The following RNF123 variants were observed in gnomAD, a reference collection of about 807,000 sequenced individuals.
RNF123 encodes ring finger protein 123, also known as E3 ubiquitin-protein ligase RNF123.
Under a neutral mutation model 168.5 loss-of-function variants are expected in RNF123, and 86 were observed. The ratio of observed to expected loss-of-function variants is 0.51; its 90% confidence interval spans 0.43 to 0.61. The LOEUF (loss-of-function observed/expected upper bound fraction) is 0.61, where lower values mean the gene tolerates loss of function less well. Among genes scored for constraint, RNF123 ranks in the 20% least tolerant of loss-of-function variants. The pLI is 0.00. For missense variants in RNF123, 1,419 were observed against 1,729.7 expected (o/e 0.82, Z 3.19); for synonymous variants, 666 against 689.1 (o/e 0.97, Z 0.52).
At position 49,720,886 on chromosome 3, in the gene RNF123, G is replaced by C; in HGVS notation, c.3730G>C (p.Ala1244Pro). 1.2e-6 allele frequency: 2 copies of C among 1,614,142 alleles called. No homozygotes were observed. Among genetic ancestry groups the C allele is most frequent in the Non-Finnish European group, 1.7e-6 (2 of 1,180,014 alleles). Residue 1244 changes from alanine (A) to proline (P), a missense_variant, in exon 37 of 39, where the codon GCC (alanine) becomes CCC (proline). Physicochemically the swap from Ala to Pro is conservative, Grantham distance 27. This residue lies in a region of RNF123 where 164 missense variants were observed against 152.3 expected (regional missense o/e 1.08). Coordinates refer to ENST00000327697, the MANE Select transcript of RNF123 (RefSeq NM_022064.5). ...CTCTGCATCTGCCCAGGCAGCAGCT[G>C]CCTCCCTGGTGAGTGGGAACACGGT... Reference protein sequence around the residue: ...LTSASAQAAAASLPTSEEDLC... With the variant: ...LTSASAQAAAPSLPTSEEDLC...
intron 26 of RNF123, among the ~76,000 whole-genome samples, chr3:49,710,571 C>T (rs917396971): frequency 5.9e-5 from 9 of 152,210 alleles, no homozygotes; most frequent in African/African-American, 1.4e-4. Flanking sequence ...TCAGCAACCG[C>T]GCCTGGCCAT....
At chr3:49,712,215 CA>C (rs113391621) in intron 26 of RNF123, among the ~76,000 whole-genome samples, 47 of 142,912 alleles carry the variant, frequency 3.3e-4, no homozygotes, top group Admixed American at 6.3e-4. Context: ...GACTCCATCT[CA>C]AAAAAAAAAA....
At chr3:49,708,889 T>A (rs913055770) in intron 26 of RNF123, among the ~76,000 whole-genome samples, 10 of 152,246 alleles carry the variant, frequency 6.6e-5, no homozygotes, top group Non-Finnish European at 1.5e-4. Flanking sequence ...GACCCTAATT[T>A]CAATTCTTTT....
At chr3:49,700,585 C>G in intron 14 of RNF123, 21 bp downstream of exon 14, 3 of 1,614,178 alleles carry the variant, frequency 1.9e-6, no homozygotes, top group Non-Finnish European at 2.5e-6. Flanking sequence ...CTACCCCTGC[C>G]CTGAGCCCCC....
At position 49,699,052 on chromosome 3, in the gene RNF123, C is replaced by T. The variant is rs1273102813; in HGVS notation, c.711C>T (p.Ile237=). 6.2e-7 allele frequency: 1 copy of T among 1,613,854 alleles called. No homozygotes were observed. Among genetic ancestry groups the T allele is most frequent in the African/African-American group, 1.3e-5 (1 of 74,942 alleles). Residue 237 remains isoleucine (I), a synonymous_variant, in exon 10 of 39, where the codon ATC becomes ATT. Coordinates refer to ENST00000327697, the MANE Select transcript of RNF123 (RefSeq NM_022064.5). This position sits in a 1 kb window ranked among gnomAD's most constrained non-coding sequence, Gnocchi z 4.8. ...TGGGTATGGCCTACTTCCCAGCCATCAGCCTCTCTTTCAAGGAGTCCGTGG... is the reference window on the plus strand; with the variant it reads ...TGGGTATGGCCTACTTCCCAGCCATTAGCCTCTCTTTCAAGGAGTCCGTGG... ...RGLGMAYFPA[I]SLSFKESVAF...
At chr3:49,708,700 T>C (rs1370094726) in intron 26 of RNF123, among the ~76,000 whole-genome samples, 1 of 152,240 alleles carries the variant, frequency 6.6e-6, no homozygotes. Context: ...GTCCTCAAGG[T>C]TCATTCGTGT....
intron 1 of RNF123, 89 bp from the exon 2 acceptor site, chr3:49,691,041 C>T (rs2054150137): frequency 6.7e-6 from 5 of 749,374 alleles, no homozygotes; most frequent in Non-Finnish European, 1.1e-5. Context: ...GCCTCACCTG[C>T]TCCCAAGCCT....
At chr3:49,700,777 G>A in intron 15 of RNF123, 68 bp downstream of exon 15, 4 of 1,548,942 alleles carry the variant, frequency 2.6e-6, no homozygotes, top group South Asian at 2.2e-5. Flanking sequence ...AGGCCAGGAA[G>A]GGGAGTGTCA....
At position 49,714,080 on chromosome 3, in the gene RNF123, A is replaced by AC; in HGVS notation, c.2926-8dup. The AC allele has an allele frequency of 6.2e-7, 1 of 1,613,828 alleles. No individual in the cohort carries two copies. Among genetic ancestry groups the AC allele is most frequent in the Non-Finnish European group, 8.5e-7 (1 of 1,179,990 alleles). On this transcript the variant is annotated splice_polypyrimidine_tract_variant and intron_variant, in intron 30 of 38. Transcript: ENST00000327697. ...CCCATTGACCTGGGCACTGACCCCC[A>AC]CCTCCACAGGGCTGTGGCTTCGGGT...
Position 49,713,577 on chromosome 3 carries a change from T to C in RNF123, c.2739T>C (p.Ile913=). 6.2e-7 allele frequency: 1 copy of C among 1,612,320 alleles called. No homozygotes were observed. The highest frequency in any genetic ancestry group is 8.5e-7 in the Non-Finnish European group (1 of 1,179,316). Reference sequence around the variant, plus strand: ...CCAAACACTTTGCCGACGCACGCATTGTGGGCACTGGTGAGGGGCCCCTAC... The same window carrying C: ...CCAAACACTTTGCCGACGCACGCATCGTGGGCACTGGTGAGGGGCCCCTAC... ...ILAKHFADAR[I]VGTDIRDSLM... Residue 913 remains isoleucine (I), a synonymous_variant, in exon 28 of 39, where the codon ATT becomes ATC. Transcript: ENST00000327697.
At chr3:49,706,107 C>T (rs1388413051) in intron 25 of RNF123, 42 bp downstream of exon 25, 7 of 1,551,732 alleles carry the variant, frequency 4.5e-6, no homozygotes, top group South Asian at 3.3e-5. Context: ...CTTGCTTACT[C>T]GTACAGGTAA....
At chr3:49,692,862 A>T (rs373123968) in intron 3 of RNF123, among the ~76,000 whole-genome samples, 10 of 151,708 alleles carry the variant, frequency 6.6e-5, no homozygotes, top group African/African-American at 2.2e-4. Context: ...TGTTTTCTTT[A>T]TTTATTCATC....
At position 49,718,943 on chromosome 3, in the gene RNF123, C is replaced by G. The variant is rs139031213; in HGVS notation, c.3501-1568C>G. On this transcript the variant is annotated intron_variant, in intron 35 of 38. Coordinates refer to ENST00000327697, the MANE Select transcript of RNF123 (RefSeq NM_022064.5). ...GTGGCGCTCAGACCGTGCAGGTGGTCGAAGGAGAACGAGGCGAGTTCGTTG... is the reference window on the plus strand; with the variant it reads ...GTGGCGCTCAGACCGTGCAGGTGGTGGAAGGAGAACGAGGCGAGTTCGTTG... 61 of 1,613,640 alleles carry G rather than the reference C, an allele frequency of 3.8e-5. 1 individual carries two copies. The African/African-American group carries it at 6.5e-4, about 17-fold the overall frequency.
At chr3:49,716,370 C>A (rs200779427) in intron 34 of RNF123, 23 bp from the exon 35 acceptor site, 27 of 1,610,088 alleles carry the variant, frequency 1.7e-5, no homozygotes, top group Non-Finnish European at 2.2e-5. Context: ...GGTGGCTCAT[C>A]TCTTTCCTCC....
Position 49,704,775 on chromosome 3 carries a change from G to T in RNF123, c.1959+19G>T, listed in dbSNP as rs764245545. The T allele has an allele frequency of 6.4e-7, 1 of 1,555,594 alleles. No individual in the cohort carries two copies. Among genetic ancestry groups the T allele is most frequent in the Non-Finnish European group, 8.7e-7 (1 of 1,148,830 alleles). ...GGCCCAGGTGCCGCAGTGGGGGCAGGCGGTGGGATTTGTGTTGGGCTTATC... is the reference window on the plus strand; with the variant it reads ...GGCCCAGGTGCCGCAGTGGGGGCAGTCGGTGGGATTTGTGTTGGGCTTATC... On this transcript the variant is annotated intron_variant, in intron 22 of 38. Coordinates refer to ENST00000327697, the MANE Select transcript of RNF123 (RefSeq NM_022064.5).
Position 49,715,595 on chromosome 3 carries a change from C to T in RNF123, c.3031C>T (p.Leu1011=), listed in dbSNP as rs770060671. 1.2e-6 allele frequency: 2 copies of T among 1,614,106 alleles called. No individual in the cohort carries two copies. The highest frequency in any genetic ancestry group is 1.1e-5 in the South Asian group (1 of 91,086). Residue 1011 remains leucine (L), a synonymous_variant, in exon 32 of 39, where the codon CTG becomes TTG. Coordinates refer to ENST00000327697, the MANE Select transcript of RNF123 (RefSeq NM_022064.5). Reference sequence around the variant, plus strand: ...TGCAGAGCCCTGCCCTTCCACCCTGCTGCAGCAGCACATGGCGGACCTCCT... The same window carrying T: ...TGCAGAGCCCTGCCCTTCCACCCTGTTGCAGCAGCACATGGCGGACCTCCT... ...SLQKPCPSTL[L]QQHMADLLQQ... is the part of the protein sequence containing the mutation.
intron 24 of RNF123, 87 bp from the exon 25 acceptor site, chr3:49,705,895 G>C: frequency 6.7e-7 from 1 of 1,500,874 alleles, no homozygotes; most frequent in Non-Finnish European, 9.2e-7. Flanking sequence ...TTGGGACCTT[G>C]GCAGGGCTGG....
rs752488889 is a variant in RNF123, at chr3:49,702,145, G to A, written c.1557+1G>A. Reference sequence around the variant, plus strand: ...GCTGGACAATAAAGATGACAATGGGGTGAGTGACTCCCAGGAGCCCTGGGT... The same window carrying A: ...GCTGGACAATAAAGATGACAATGGGATGAGTGACTCCCAGGAGCCCTGGGT... On this transcript the variant is annotated splice_donor_variant, in intron 18 of 38. Transcript: ENST00000327697. LOFTEE classifies it high-confidence loss of function. 1 of 1,614,100 alleles carries A rather than the reference G, an allele frequency of 6.2e-7. No homozygotes were observed.
At position 49,715,388 on chromosome 3, in the gene RNF123, G is replaced by A. The variant is rs1418740974; in HGVS notation, c.3011-187G>A. 46 of 677,836 alleles carry A rather than the reference G, an allele frequency of 6.8e-5. No homozygotes were observed. The East Asian group carries it at 1.2e-3, about 18-fold the overall frequency. 42.0% of individuals were successfully genotyped at this position (677,836 alleles called of 1,614,324 possible). Reference sequence around the variant, plus strand: ...CCTGGGGCTTGCCTAGTAGAAGGAGGGGACAGATTCTGTCCCAACTAACTC... The same window carrying A: ...CCTGGGGCTTGCCTAGTAGAAGGAGAGGACAGATTCTGTCCCAACTAACTC... On this transcript the variant is annotated intron_variant, in intron 31 of 38. Coordinates refer to ENST00000327697, the MANE Select transcript of RNF123 (RefSeq NM_022064.5).
Sources: gnomAD v4.1 joint callset for allele counts (sites outside exome capture counted in the v4.1 genomes callset) on GRCh38, gnomAD v4.1.1 for gene constraint, gnomAD v4.1.1 regional missense constraint, Gnocchi (gnomAD v3.1) non-coding constraint, MANE v1.5 for transcripts, NCBI Gene and HGNC (gene_info 2026-07-23, HGNC 2026-07-21) for gene names.